Variants in DUSP14 observed in about 807,000 individuals in gnomAD.
DUSP14 encodes dual specificity phosphatase 14, also known as dual specificity protein phosphatase 14.
DUSP14 carries 5 observed loss-of-function variants against 13.2 expected under a neutral mutation model. The ratio of observed to expected loss-of-function variants is 0.38; its 90% CI spans 0.20 to 0.80. The LOEUF is 0.80. Ranked by LOEUF, DUSP14 falls within the 30% of genes least tolerant of loss-of-function variation. The probability of loss-of-function intolerance (pLI) is 0.44; values close to 1 mark genes in which losing one functional copy is unlikely to be tolerated. For synonymous variants in DUSP14, 91 were observed against 103.4 expected (o/e 0.88, Z 0.73); for missense variants, 185 against 264.0 (o/e 0.70, Z 2.07).
rs112498039 is a variant in DUSP14, at chr17:37,509,121, A to G, written c.-180-1556A>G. Among the ~76,000 whole-genome samples, 107 of 26,970 alleles carry G rather than the reference A, an allele frequency of 4.0e-3. 4 individuals carry two copies. The highest frequency in any genetic ancestry group is 0.017 in the East Asian group (6 of 350). 17.7% of individuals were successfully genotyped at this position (26,970 alleles called of 152,430 possible). On this transcript the variant is annotated intron_variant, in intron 1 of 2. Coordinates refer to ENST00000617516, the MANE Select transcript of DUSP14 (RefSeq NM_007026.4). ...AAAAAACCCATATATATATATATAT[A>G]TATATATACACACACACACACACAC...
At chr17:37,508,771 A>C (rs984504013) in intron 1 of DUSP14, among the ~76,000 whole-genome samples, 1 of 136,282 alleles carries the variant, frequency 7.3e-6, no homozygotes, top group Non-Finnish European at 1.5e-5. Context: ...AAATAAATAT[A>C]TATGTATATT....
chr17:37,512,802 C>G lies in DUSP14; in HGVS notation c.530C>G (p.Pro177Arg), dbSNP rs1206136550. The change falls in exon 3 of 3, where the codon CCT becomes CGT. Residue 177 changes from proline (P) to arginine (R), a missense_variant. Pro to Arg is a moderately radical substitution (Grantham distance 103). Coordinates refer to ENST00000617516, the MANE Select transcript of DUSP14 (RefSeq NM_007026.4). This position sits in a 1 kb window ranked among gnomAD's most constrained non-coding sequence, Gnocchi z 4.8. Reference sequence around the variant, plus strand: ...TCGACAGTTAAAATGGTACAGACACCTTATGGCATAGTTCCCGACGTCTAT... The same window carrying G: ...TCGACAGTTAAAATGGTACAGACACGTTATGGCATAGTTCCCGACGTCTAT... The part of the protein sequence containing the change: ...GKSTVKMVQT[P>R]YGIVPDVYEK... 2 of 1,613,712 alleles carry G rather than the reference C, an allele frequency of 1.2e-6. No homozygotes were observed. Among genetic ancestry groups the G allele is most frequent in the Non-Finnish European group, 1.7e-6 (2 of 1,179,976 alleles).
chr17:37,494,592 TGTGAGAGAGA>T (rs2054051288), intron 1 of DUSP14, among the ~76,000 whole-genome samples: 1 of 152,016 alleles, frequency 6.6e-6, no homozygotes, highest in Non-Finnish European at 1.5e-5. Flanking sequence ...GAAGTGTGTG[TGTGAGAGAGA>T]GTGAGAGAAT....
At chr17:37,492,810 C>T (rs1485304110) in intron 1 of DUSP14, among the ~76,000 whole-genome samples, 1 of 152,170 alleles carries the variant, frequency 6.6e-6, no homozygotes, top group African/African-American at 2.4e-5. Context: ...CACACTCTCT[C>T]CCTCCCCCAG....
In DUSP14 at chr17:37,513,134, C is replaced by G. The variant is rs1489530056; in HGVS notation, c.*265C>G. The G allele has an allele frequency of 1.2e-5, 6 of 506,558 alleles. No individual in the cohort carries two copies. Among genetic ancestry groups the G allele is most frequent in the Non-Finnish European group, 2.2e-5 (6 of 278,782 alleles). 31.4% of individuals were successfully genotyped at this position (506,558 alleles called of 1,614,324 possible). A position where few individuals can be genotyped will look rare whatever the true frequency, so the allele number is the denominator to read the frequency against. On this transcript the variant is annotated 3_prime_UTR_variant, in exon 3 of 3. Coordinates refer to ENST00000617516, the MANE Select transcript of DUSP14 (RefSeq NM_007026.4). ...TTTTAATCATTTTTACCAATTTGAA[C>G]AGTTTAATAAACTGGTTCTGCTCTC...
At chr17:37,493,672 C>CTTTTTTTTTTTTTTTTTTTTT (rs35368460) in intron 1 of DUSP14, among the ~76,000 whole-genome samples, 1 of 137,324 alleles carries the variant, frequency 7.3e-6, no homozygotes. Flanking sequence ...TTTCATCAAT[C>CTTTTTTTTTTTTTTTTTTTTT]TTTTTTTTTT....
upstream of DUSP14, among the ~76,000 whole-genome samples, chr17:37,489,446 T>G (rs1055979757): frequency 3.3e-5 from 5 of 152,116 alleles, no homozygotes; most frequent in South Asian, 8.3e-4. Flanking sequence ...AGGGAGGCGG[T>G]GGGGTGGGGT....
intron 1 of DUSP14, among the ~76,000 whole-genome samples, chr17:37,493,427 A>G (rs1440104392): frequency 1.3e-5 from 2 of 152,192 alleles, no homozygotes; most frequent in Non-Finnish European, 2.9e-5. Flanking sequence ...GGTTGTACCA[A>G]TTTACATTCC....
intron 1 of DUSP14, among the ~76,000 whole-genome samples, chr17:37,492,062 C>A (rs2054031940): frequency 6.6e-6 from 1 of 152,186 alleles, no homozygotes; most frequent in African/African-American, 2.4e-5. Flanking sequence ...GATTTGGCTT[C>A]TGTCAAGAAC....
At chr17:37,504,847 C>T (rs1795904935) in intron 1 of DUSP14, among the ~76,000 whole-genome samples, 1 of 152,144 alleles carries the variant, frequency 6.6e-6, no homozygotes, top group South Asian at 2.1e-4. Context: ...TCCCAAAATG[C>T]TGTGATTACA....
intron 1 of DUSP14, among the ~76,000 whole-genome samples, chr17:37,498,622 G>A (rs572814226): frequency 2.0e-5 from 3 of 151,654 alleles, no homozygotes; most frequent in East Asian, 1.9e-4. Flanking sequence ...CACCGCACCC[G>A]GCCTAGATTG....
intron 2 of DUSP14, among the ~76,000 whole-genome samples, chr17:37,511,937 A>AGGTTTTTTTT (rs1329764853): frequency 6.1e-5 from 1 of 16,442 alleles, no homozygotes; most frequent in Non-Finnish European, 1.2e-4. Context: ...CCCCCACCCC[A>AGGTTTTTTTT]CTTTTTTTTT....
chr17:37,498,577 C>T (rs564950825), intron 1 of DUSP14, among the ~76,000 whole-genome samples: 138 of 151,966 alleles, frequency 9.1e-4, no homozygotes, highest in Non-Finnish European at 7.8e-4. Context: ...CCACCTGCCT[C>T]GGCCTCCCAA....
At chr17:37,498,624 C>G (rs2054083248) in intron 1 of DUSP14, among the ~76,000 whole-genome samples, 1 of 151,786 alleles carries the variant, frequency 6.6e-6, no homozygotes, top group African/African-American at 2.4e-5. Context: ...CCGCACCCGG[C>G]CTAGATTGTA....
intron 1 of DUSP14, among the ~76,000 whole-genome samples, chr17:37,508,732 TC>T (rs1255505269): frequency 7.5e-6 from 1 of 133,792 alleles, no homozygotes; most frequent in African/African-American, 2.7e-5. Flanking sequence ...AGACTCCATC[TC>T]AATATATATA....
intron 2 of DUSP14, 87 bp downstream of exon 2, chr17:37,510,851 G>GGT (rs1294384938): frequency 6.6e-6 from 1 of 151,984 alleles, no homozygotes; most frequent in African/African-American, 2.4e-5. Flanking sequence ...CGATCCCCTG[G>GGT]GTGTGTGTGG....
At chr17:37,498,476 G>A (rs1444767613) in intron 1 of DUSP14, among the ~76,000 whole-genome samples, 3 of 151,672 alleles carry the variant, frequency 2.0e-5, no homozygotes, top group Admixed American at 6.6e-5. Context: ...ACAGGTGCCC[G>A]CCACCACACC....
chr17:37,490,427 T>G (rs1222095650), intron 1 of DUSP14, among the ~76,000 whole-genome samples: 2 of 152,206 alleles, frequency 1.3e-5, no homozygotes, highest in Non-Finnish European at 2.9e-5. Context: ...CGATGCCAAG[T>G]GTCCAACTTG....
chr17:37,511,649 G>A (rs2054186996), intron 2 of DUSP14, among the ~76,000 whole-genome samples: 1 of 144,302 alleles, frequency 6.9e-6, no homozygotes, highest in South Asian at 2.2e-4. Context: ...TGGTGGTGGT[G>A]CAATCACAGC....
Sources: allele counts gnomAD v4.1 joint callset (sites outside exome capture counted in the v4.1 genomes callset), GRCh38; gene constraint gnomAD v4.1.1; non-coding constraint Gnocchi (gnomAD v3.1); transcripts MANE v1.5; gene names NCBI Gene and HGNC (gene_info 2026-07-23, HGNC 2026-07-21).